Variants in TAF3 observed in about 807,000 individuals in gnomAD.
The protein encoded by TAF3 is transcription initiation factor TFIID subunit 3.
In TAF3, 7 loss-of-function variants were observed where a neutral mutation model predicts 80.6. The observed-to-expected ratio is 0.09, with a 90% CI of 0.05 to 0.16. TAF3 has a LOEUF of 0.16. Among genes scored for constraint, TAF3 ranks in the 10% least tolerant of loss-of-function variants. The pLI is 1.00. For missense variants in TAF3, 921 were observed against 1,140.2 expected, an observed-to-expected ratio of 0.81 and a Z score of 2.77; for synonymous variants, 444 against 446.1, an observed-to-expected ratio of 1.00 and a Z score of 0.06.
At chr10:7,987,524 A>G (rs1222987960) in intron 4 of TAF3, among the ~76,000 whole-genome samples, 1 of 152,208 alleles carries the variant, frequency 6.6e-6, no homozygotes, top group Non-Finnish European at 1.5e-5. Context: ...AAGAAACAAC[A>G]TCCTCATATA....
chr10:7,902,024 G>C (rs2131171936), intron 2 of TAF3, among the ~76,000 whole-genome samples: 1 of 152,222 alleles, frequency 6.6e-6, no homozygotes, highest in African/African-American at 2.4e-5. Context: ...AGTACTGGCA[G>C]ACACTAACTC....
chr10:7,980,646 A>G (rs1483861964), intron 4 of TAF3, among the ~76,000 whole-genome samples: 2 of 152,242 alleles, frequency 1.3e-5, no homozygotes, highest in East Asian at 3.9e-4. Flanking sequence ...CCTAGAGACA[A>G]CATATCCAAG....
chr10:7,890,161 C>CTGCA (rs1837445192), intron 2 of TAF3, among the ~76,000 whole-genome samples: 1 of 152,210 alleles, frequency 6.6e-6, no homozygotes, highest in Non-Finnish European at 1.5e-5. Context: ...TTTCACCAGA[C>CTGCA]TGCAGCCAGC....
chr10:7,877,504 CTTG>C (rs1287433788), intron 2 of TAF3, among the ~76,000 whole-genome samples: 2 of 152,004 alleles, frequency 1.3e-5, no homozygotes, highest in Non-Finnish European at 2.9e-5. Flanking sequence ...TAGAAAGCAC[CTTG>C]TTATTTAATT....
intron 6 of TAF3, 137 bp downstream of exon 6, chr10:8,013,974 A>G: frequency 1.5e-6 from 1 of 674,560 alleles, no homozygotes; most frequent in Non-Finnish European, 2.6e-6. Flanking sequence ...GAGTCAAATC[A>G]CTGAGCCTGT....
chr10:7,825,423 C>A (rs886827639), intron 2 of TAF3, among the ~76,000 whole-genome samples: 1 of 152,136 alleles, frequency 6.6e-6, no homozygotes, highest in Non-Finnish European at 1.5e-5. Flanking sequence ...AGCCATCATC[C>A]CCATCCTTCT....
At chr10:7,896,595 G>A (rs531127872) in intron 2 of TAF3, among the ~76,000 whole-genome samples, 1 of 152,320 alleles carries the variant, frequency 6.6e-6, no homozygotes, top group South Asian at 2.1e-4. Flanking sequence ...ATTTAGCTAA[G>A]TTGCAGTAAG....
chr10:7,924,504 C>T (rs577001059), intron 2 of TAF3, among the ~76,000 whole-genome samples: 3 of 152,146 alleles, frequency 2.0e-5, no homozygotes, highest in Non-Finnish European at 4.4e-5. Flanking sequence ...ACATCAAAGT[C>T]AAGTGTGTAG....
chr10:7,959,228 G>A (rs973170266), intron 2 of TAF3, among the ~76,000 whole-genome samples: 1 of 151,924 alleles, frequency 6.6e-6, no homozygotes, highest in African/African-American at 2.4e-5. Flanking sequence ...TTTTGATGCT[G>A]CAATTGAAGC....
intron 2 of TAF3, among the ~76,000 whole-genome samples, chr10:7,915,202 A>G (rs1290255724): frequency 2.7e-5 from 4 of 150,826 alleles, no homozygotes; most frequent in Admixed American, 2.0e-4. Flanking sequence ...GGCCTCCCCA[A>G]GTGCTGGGAT....
At chr10:7,959,252 CTT>C (rs1395643566) in intron 2 of TAF3, among the ~76,000 whole-genome samples, 6 of 151,896 alleles carry the variant, frequency 4.0e-5, no homozygotes, top group African/African-American at 1.5e-4. Flanking sequence ...CTTATAAAAT[CTT>C]AAGTAAATAA....
rs1460486933 is a variant in TAF3, at chr10:7,965,231, A to G, written c.1721A>G (p.Tyr574Cys). The G allele has an allele frequency of 8.1e-6, 13 of 1,608,312 alleles. No individual in the cohort carries two copies. Among genetic ancestry groups the G allele is most frequent in the Non-Finnish European group, 1.1e-5 (13 of 1,178,652 alleles). Residue 574 changes from tyrosine to cysteine, a missense_variant, in exon 3 of 7, where the codon TAT becomes TGT. Physicochemically the swap from Tyr to Cys is radical, Grantham distance 194. This residue lies in a region of TAF3 where 743 missense variants were observed against 821.0 expected (regional missense o/e 0.90). Coordinates refer to ENST00000344293, the MANE Select transcript of TAF3 (RefSeq NM_031923.4). ...KDKETGRETK[Y>C]PWKEFLKEEE... is the part of the protein sequence containing the mutation. ...AAGGAAACTGGCAGGGAAACAAAGT[A>G]TCCCTGGAAGGAATTTCTTAAAGAG...
chr10:7,876,674 C>T (rs999354528), intron 2 of TAF3, among the ~76,000 whole-genome samples: 14 of 152,174 alleles, frequency 9.2e-5, no homozygotes, highest in Non-Finnish European at 2.1e-4. Flanking sequence ...CTTGAAAATA[C>T]AGCTATATTG....
intron 4 of TAF3, among the ~76,000 whole-genome samples, chr10:7,989,564 G>T (rs1022349406): frequency 4.6e-5 from 7 of 152,136 alleles, no homozygotes; most frequent in African/African-American, 9.7e-5. Context: ...ATGTAATATT[G>T]TTTTTGCACA....
intron 2 of TAF3, among the ~76,000 whole-genome samples, chr10:7,938,704 TC>T (rs901311888): frequency 6.6e-6 from 1 of 152,138 alleles, no homozygotes; most frequent in African/African-American, 2.4e-5. Flanking sequence ...AGAGGAGGAA[TC>T]TTGAAGATAA....
chr10:7,963,453 TACTG>T (rs1308165469), intron 2 of TAF3, among the ~76,000 whole-genome samples: 2 of 152,254 alleles, frequency 1.3e-5, no homozygotes, highest in African/African-American at 4.8e-5. Context: ...CATCTGCTGT[TACTG>T]ACTGCCACTC....
At chr10:7,855,409 G>A (rs1837068649) in intron 2 of TAF3, among the ~76,000 whole-genome samples, 1 of 152,174 alleles carries the variant, frequency 6.6e-6, no homozygotes, top group South Asian at 2.1e-4. Flanking sequence ...GAAAACAAGG[G>A]GGAATTCATG....
intron 2 of TAF3, among the ~76,000 whole-genome samples, chr10:7,921,894 G>A (rs1283673304): frequency 2.0e-5 from 3 of 151,998 alleles, no homozygotes; most frequent in Admixed American, 2.0e-4. Flanking sequence ...AAATGCCAGA[G>A]CTAAGGATAA....
intron 4 of TAF3, among the ~76,000 whole-genome samples, chr10:7,991,347 C>T (rs1199818913): frequency 6.6e-6 from 1 of 152,026 alleles, no homozygotes; most frequent in African/African-American, 2.4e-5. Context: ...AATGATTATT[C>T]ATTAAATAAT....
Sources: allele counts gnomAD v4.1 joint callset (sites outside exome capture counted in the v4.1 genomes callset), GRCh38; gene constraint gnomAD v4.1.1; regional missense constraint gnomAD v4.1.1; transcripts MANE v1.5; gene names NCBI Gene and HGNC (gene_info 2026-07-23, HGNC 2026-07-21).